ATP8B4: variants seen among roughly 807,000 people sequenced by gnomAD.
ATP8B4 encodes the protein ATPase phospholipid transporting 8B4 (putative).
In ATP8B4, 133 loss-of-function variants were observed where a neutral mutation model predicts 145.6. The observed-to-expected ratio is 0.91, with a 90% confidence interval of 0.79 to 1.05. The LOEUF is 1.05. ATP8B4 is among the 50% of genes least tolerant of loss of function. The probability of loss-of-function intolerance (pLI) is 0.00; values close to 1 mark genes in which losing one functional copy is unlikely to be tolerated. For synonymous variants in ATP8B4, 507 were observed against 492.9 expected, an observed-to-expected ratio of 1.03 and a Z score of -0.38; for missense variants, 1,458 against 1,425.2, an observed-to-expected ratio of 1.02 and a Z score of -0.37.
intron 6 of ATP8B4, among the ~76,000 whole-genome samples, chr15:50,028,224 T>C (rs2050157810): frequency 6.6e-6 from 1 of 152,214 alleles, no homozygotes; most frequent in African/African-American, 2.4e-5. Flanking sequence ...TTAGAGATCA[T>C]TACTCTTACT....
intron 25 of ATP8B4, among the ~76,000 whole-genome samples, chr15:49,872,751 C>T (rs2033847861): frequency 6.6e-6 from 1 of 152,068 alleles, no homozygotes; most frequent in Non-Finnish European, 1.5e-5. Flanking sequence ...TGGGAGGAGA[C>T]TAAGGAACAT....
chr15:49,962,315 A>G lies in ATP8B4; in HGVS notation c.1244-295T>C, dbSNP rs188498803. Among the ~76,000 whole-genome samples, 456 of 152,324 alleles carry G rather than the reference A, an allele frequency of 3.0e-3. 3 individuals carry two copies. The highest frequency in any genetic ancestry group is 2.8e-3 in the Non-Finnish European group (192 of 68,028). On this transcript the variant is annotated intron_variant, in intron 13 of 27. Coordinates refer to ENST00000284509, the MANE Select transcript of ATP8B4 (RefSeq NM_024837.4). ...TTATCATTCTGTTATTACATTATCTATGATATTTGCAAGAGGCAAATTTCT... is the reference window on the plus strand; with the variant it reads ...TTATCATTCTGTTATTACATTATCTGTGATATTTGCAAGAGGCAAATTTCT...
chr15:49,892,300 T>C (rs2036918161), intron 23 of ATP8B4, among the ~76,000 whole-genome samples: 3 of 152,118 alleles, frequency 2.0e-5, no homozygotes, highest in Admixed American at 6.5e-5. Flanking sequence ...TGTAGTAGTA[T>C]AAAAGTTGAG....
At chr15:49,962,915 A>G (rs1176785746) in intron 13 of ATP8B4, among the ~76,000 whole-genome samples, 1 of 152,054 alleles carries the variant, frequency 6.6e-6, no homozygotes, top group Non-Finnish European at 1.5e-5. Flanking sequence ...ACTATTTGCC[A>G]GGATTAAATT....
intron 1 of ATP8B4, among the ~76,000 whole-genome samples, chr15:50,140,074 A>C (rs1436269676): frequency 6.6e-6 from 1 of 152,170 alleles, no homozygotes; most frequent in Non-Finnish European, 1.5e-5. Context: ...TACAGTGTGC[A>C]CTATTTGGGT....
intron 1 of ATP8B4, among the ~76,000 whole-genome samples, chr15:50,143,220 C>A (rs531008681): frequency 6.6e-6 from 1 of 152,334 alleles, no homozygotes; most frequent in Non-Finnish European, 1.5e-5. Flanking sequence ...TGGCTTAAAA[C>A]AACAATATAG....
At chr15:49,970,774 T>C (rs566633287) in intron 13 of ATP8B4, among the ~76,000 whole-genome samples, 4 of 152,174 alleles carry the variant, frequency 2.6e-5, no homozygotes, top group Non-Finnish European at 4.4e-5. Flanking sequence ...AAAACTACTT[T>C]AAATTTCATA....
intron 23 of ATP8B4, among the ~76,000 whole-genome samples, chr15:49,887,085 C>G (rs2153417123): frequency 6.6e-6 from 1 of 152,266 alleles, no homozygotes. Flanking sequence ...GCTGGGATTA[C>G]AAGCATAAAC....
At chr15:49,939,175 C>T (rs375059243) in intron 14 of ATP8B4, among the ~76,000 whole-genome samples, 105 of 149,778 alleles carry the variant, frequency 7.0e-4, no homozygotes, top group African/African-American at 2.5e-3. Flanking sequence ...AATGACTTAA[C>T]GCATACCTAC....
intron 2 of ATP8B4, among the ~76,000 whole-genome samples, chr15:50,079,402 C>T (rs2054400017): frequency 6.6e-6 from 1 of 152,152 alleles, no homozygotes; most frequent in African/African-American, 2.4e-5. Context: ...AGGTGTGCCA[C>T]AAATGCCACA....
Position 50,163,437 on chromosome 15 carries a change from C to T in ATP8B4, c.-43+18824G>A, listed in dbSNP as rs561925398. On this transcript the variant is annotated intron_variant, in intron 1 of 3. Coordinates refer to the ATP8B4 transcript ENST00000558829. ...AGATTTAGGAGATCCCCTAGATTACCAGGCAGATACACTTGTTCTATTTCT... is the reference window on the plus strand; with the variant it reads ...AGATTTAGGAGATCCCCTAGATTACTAGGCAGATACACTTGTTCTATTTCT... 5.9e-5 allele frequency among the ~76,000 whole-genome samples: 9 copies of T among 152,336 alleles called. No homozygotes were observed. The South Asian group carries it at 1.9e-3, about 32-fold the overall frequency.
chr15:50,142,788 C>G, intron 1 of ATP8B4, among the ~76,000 whole-genome samples: 1 of 152,174 alleles, frequency 6.6e-6, no homozygotes, highest in South Asian at 2.1e-4. Flanking sequence ...TCAATACCCC[C>G]ATGCAATCCT....
chr15:50,001,597 A>G (rs1208906580), intron 8 of ATP8B4, among the ~76,000 whole-genome samples: 1 of 152,234 alleles, frequency 6.6e-6, no homozygotes, highest in East Asian at 1.9e-4. Flanking sequence ...ACACAAATAC[A>G]TAGTGTCATT....
chr15:49,917,717 A>G (rs1258685917), intron 19 of ATP8B4, among the ~76,000 whole-genome samples: 1 of 152,158 alleles, frequency 6.6e-6, no homozygotes, highest in Non-Finnish European at 1.5e-5. Context: ...TAATAGAGTT[A>G]TTTGATTGTC....
In ATP8B4 at chr15:49,937,254, G is replaced by A. The variant is rs533664512; in HGVS notation, c.1288-3072C>T. Among the ~76,000 whole-genome samples, 10 of 152,128 alleles carry A rather than the reference G, an allele frequency of 6.6e-5. No individual in the cohort carries two copies. The South Asian group carries it at 2.1e-3, about 32-fold the overall frequency. On this transcript the variant is annotated intron_variant, in intron 14 of 27. Transcript: ENST00000284509. ...TATTGGCTATCACGTTTCACTTTAG[G>A]GTGAATGAGAGAGAAGGTGGTCCTT...
intron 4 of ATP8B4, 27 bp from the exon 5 acceptor site, chr15:50,044,719 G>A (rs180734978): frequency 3.9e-5 from 60 of 1,538,950 alleles, no homozygotes; most frequent in Admixed American, 2.2e-4. Context: ...AAATAGTTTA[G>A]GGCTTTTAAA....
chr15:49,894,575 C>G (rs1418086752), intron 23 of ATP8B4, among the ~76,000 whole-genome samples: 1 of 152,140 alleles, frequency 6.6e-6, no homozygotes, highest in Non-Finnish European at 1.5e-5. Context: ...CACCTGTAGC[C>G]CAATTAACTA....
chr15:49,870,413 CTT>C (rs1480349253), intron 25 of ATP8B4, among the ~76,000 whole-genome samples: 1 of 152,076 alleles, frequency 6.6e-6, no homozygotes, highest in African/African-American at 2.4e-5. Flanking sequence ...CTTTTGTACT[CTT>C]TGAAATGTTT....
At chr15:50,022,378 G>A (rs188747744) in intron 6 of ATP8B4, among the ~76,000 whole-genome samples, 3 of 152,188 alleles carry the variant, frequency 2.0e-5, no homozygotes, top group Admixed American at 1.3e-4. Flanking sequence ...CTAAAAACTT[G>A]GTTGTCTCCC....
Sources: allele counts gnomAD v4.1 joint callset (sites outside exome capture counted in the v4.1 genomes callset), GRCh38; gene constraint gnomAD v4.1.1; transcripts MANE v1.5; gene names NCBI Gene and HGNC (gene_info 2026-07-23, HGNC 2026-07-21).